The following PCP4 variants were observed in gnomAD, a reference collection of about 807,000 sequenced individuals.
PCP4 encodes the protein calmodulin regulator protein PCP4.
A neutral mutation model predicts 10.0 loss-of-function variants in PCP4; 8 were observed. The ratio of observed to expected loss-of-function variants is 0.80; its 90% confidence interval spans 0.47 to 1.45. PCP4 has a LOEUF of 1.45. Among genes scored for constraint, PCP4 ranks in the 40% most tolerant of loss-of-function variants. PCP4 has a pLI of 0.00. For synonymous variants in PCP4, 21 were observed against 23.0 expected (o/e 0.91, Z 0.24); for missense variants, 54 against 74.4 (o/e 0.73, Z 1.01).
At position 39,929,339 on chromosome 21, in the gene PCP4, C is replaced by A. The variant is rs2087640473; in HGVS notation, c.*228C>A. 2.8e-6 allele frequency: 1 copy of A among 357,888 alleles called. No individual in the cohort carries two copies. Among genetic ancestry groups the A allele is most frequent in the Non-Finnish European group, 5.0e-6 (1 of 200,718 alleles). 22.2% of individuals were successfully genotyped at this position (357,888 alleles called of 1,614,324 possible). A position where few individuals can be genotyped will look rare whatever the true frequency, so the allele number is the denominator to read the frequency against. ...TCTATGTTTCTCTCCATTTTCATTC[C>A]TCCTGCAACTATTTTCCTTGATGTT... On this transcript the variant is annotated 3_prime_UTR_variant, in exon 3 of 3. Transcript: ENST00000328619.
chr21:39,929,223 G>C lies in PCP4; in HGVS notation c.*112G>C. On this transcript the variant is annotated 3_prime_UTR_variant, in exon 3 of 3. Coordinates refer to ENST00000328619, the MANE Select transcript of PCP4 (RefSeq NM_006198.3). ...AGTCATCCACACACAATCCACACACGCATAGCAAACCTCCAATGCATGTAC... is the reference window on the plus strand; with the variant it reads ...AGTCATCCACACACAATCCACACACCCATAGCAAACCTCCAATGCATGTAC... The C allele has an allele frequency of 9.7e-7, 1 of 1,029,608 alleles. No individual in the cohort carries two copies. The highest frequency in any genetic ancestry group is 1.4e-6 in the Non-Finnish European group (1 of 709,102). 63.8% of individuals were successfully genotyped at this position (1,029,608 alleles called of 1,614,324 possible). A position where few individuals can be genotyped will look rare whatever the true frequency, so the allele number is the denominator to read the frequency against.
rs2299747 is a variant in PCP4 at position 39,879,238 on chromosome 21, C to G, written c.9+11728C>G. On this transcript the variant is annotated intron_variant, in intron 1 of 2. Transcript: ENST00000328619. ...TCCTGACCTCAAGTGATCTGCTTGC[C>G]TCGGCCTCCCAAAGAGCTGGGATTG... Among the ~76,000 whole-genome samples the G allele has an allele frequency of 2.0e-3, 304 of 152,184 alleles. 9 individuals are homozygous for G. In the East Asian group the frequency reaches 0.049, roughly 24 times the overall value.
rs568070165 is a variant in PCP4 at position 39,923,796 on chromosome 21, C to T, written c.62-5188C>T. Among the ~76,000 whole-genome samples, 23 of 152,302 alleles carry T rather than the reference C, an allele frequency of 1.5e-4. No homozygotes were observed. In the South Asian group the frequency reaches 1.7e-3, roughly 11 times the overall value. ...GTTTCGTCCATACCACTCGTTTAGA[C>T]GCCCTGCTCCCTCCTGGACACAGAA... On this transcript the variant is annotated intron_variant, in intron 2 of 2. Coordinates refer to ENST00000328619, the MANE Select transcript of PCP4 (RefSeq NM_006198.3).
At chr21:39,886,248 C>T (rs2087400088) in intron 1 of PCP4, among the ~76,000 whole-genome samples, 1 of 152,132 alleles carries the variant, frequency 6.6e-6, no homozygotes, top group Non-Finnish European at 1.5e-5. Context: ...TGCCCAATGT[C>T]AAGGACCATT....
At chr21:39,872,825 T>C (rs989209394) in intron 1 of PCP4, among the ~76,000 whole-genome samples, 9 of 152,190 alleles carry the variant, frequency 5.9e-5, no homozygotes, top group African/African-American at 2.2e-4. Flanking sequence ...GGGATACATT[T>C]GGGAAAGTTG....
At chr21:39,885,079 T>G (rs2087393474) in intron 1 of PCP4, among the ~76,000 whole-genome samples, 1 of 152,248 alleles carries the variant, frequency 6.6e-6, no homozygotes, top group Non-Finnish European at 1.5e-5. Flanking sequence ...AGTAACAAAA[T>G]GACACCAGAG....
chr21:39,868,367 T>G (rs2087304059), intron 1 of PCP4, among the ~76,000 whole-genome samples: 1 of 152,214 alleles, frequency 6.6e-6, no homozygotes, highest in Admixed American at 6.5e-5. Context: ...ATGATTCTTT[T>G]CTTGGAAGTC....
intron 1 of PCP4, among the ~76,000 whole-genome samples, chr21:39,893,284 A>C (rs887444921): frequency 6.6e-6 from 1 of 152,236 alleles, no homozygotes; most frequent in African/African-American, 2.4e-5. Flanking sequence ...AGGAAAATTT[A>C]CTTCAAAAAA....
At chr21:39,868,111 CAA>C (rs1236014630) in intron 1 of PCP4, among the ~76,000 whole-genome samples, 1 of 152,210 alleles carries the variant, frequency 6.6e-6, no homozygotes, top group Non-Finnish European at 1.5e-5. Context: ...TTTGCAAATC[CAA>C]AGTCACTTCT....
chr21:39,898,763 G>C (rs2087469359), intron 2 of PCP4, among the ~76,000 whole-genome samples: 1 of 152,182 alleles, frequency 6.6e-6, no homozygotes, highest in African/African-American at 2.4e-5. Flanking sequence ...CTCCCATTTT[G>C]GGCAACATGG....
At chr21:39,907,417 G>C (rs1182874395) in intron 2 of PCP4, among the ~76,000 whole-genome samples, 1 of 152,208 alleles carries the variant, frequency 6.6e-6, no homozygotes, top group Non-Finnish European at 1.5e-5. Context: ...GAATCCCAGG[G>C]AGGCCTATCT....
At chr21:39,891,695 G>T (rs2087432427) in intron 1 of PCP4, among the ~76,000 whole-genome samples, 1 of 152,256 alleles carries the variant, frequency 6.6e-6, no homozygotes, top group Non-Finnish European at 1.5e-5. Context: ...GGTAAGGAGG[G>T]TGAATCTTCT....
chr21:39,909,333 C>G (rs1323394079), intron 2 of PCP4, among the ~76,000 whole-genome samples: 1 of 152,190 alleles, frequency 6.6e-6, no homozygotes, highest in African/African-American at 2.4e-5. Context: ...GACTGTTGTT[C>G]CGTGTCGCTG....
chr21:39,892,671 G>T (rs138404863), intron 1 of PCP4, among the ~76,000 whole-genome samples: 91 of 151,822 alleles, frequency 6.0e-4, no homozygotes, highest in African/African-American at 2.1e-3. Context: ...TGGAGAATGG[G>T]GTATGCATTC....
intron 2 of PCP4, among the ~76,000 whole-genome samples, chr21:39,920,045 GGTGT>G (rs150016354): frequency 7.1e-6 from 1 of 141,824 alleles, no homozygotes; most frequent in Admixed American, 7.0e-5. Context: ...ATGTATGTGT[GGTGT>G]GTGTGTGTAG....
intron 1 of PCP4, among the ~76,000 whole-genome samples, chr21:39,896,362 T>A (rs2087456988): frequency 6.6e-6 from 1 of 152,234 alleles, no homozygotes; most frequent in South Asian, 2.1e-4. Flanking sequence ...TGCCAGAGTT[T>A]AATCACCTGA....
intron 2 of PCP4, among the ~76,000 whole-genome samples, chr21:39,925,465 A>G (rs138639818): frequency 6.6e-6 from 1 of 152,218 alleles, no homozygotes; most frequent in African/African-American, 2.4e-5. Context: ...ATCCTATGTA[A>G]GCTGTTGGAA....
chr21:39,910,174 C>T (rs904822186), intron 2 of PCP4, among the ~76,000 whole-genome samples: 1 of 152,192 alleles, frequency 6.6e-6, no homozygotes, highest in African/African-American at 2.4e-5. Flanking sequence ...AGCAAAGTCT[C>T]CTCGGATGTC....
chr21:39,884,419 T>A (rs1403314438), intron 1 of PCP4, among the ~76,000 whole-genome samples: 1 of 151,854 alleles, frequency 6.6e-6, no homozygotes, highest in Non-Finnish European at 1.5e-5. Flanking sequence ...CCTCAGGTGA[T>A]CCGCCTGTCT....
Sources: allele counts gnomAD v4.1 joint callset (sites outside exome capture counted in the v4.1 genomes callset), GRCh38; gene constraint gnomAD v4.1.1; transcripts MANE v1.5; gene names NCBI Gene and HGNC (gene_info 2026-07-23, HGNC 2026-07-21).